AFF3: variants seen among roughly 807,000 people sequenced by gnomAD.
AFF3 encodes the protein AF4/FMR2 family member 3.
In AFF3, 32 loss-of-function variants were observed where a neutral mutation model predicts 129.7. The ratio of observed to expected loss-of-function variants is 0.25; its 90% confidence interval spans 0.19 to 0.33. The LOEUF is 0.33. Among genes scored for constraint, AFF3 ranks in the 10% least tolerant of loss-of-function variants. The pLI, the probability that AFF3 is intolerant of heterozygous loss-of-function variation, is 1.00. For synonymous variants in AFF3, 644 were observed against 635.4 expected (o/e 1.01, Z -0.20); for missense variants, 1,373 against 1,592.0 (o/e 0.86, Z 2.34).
intron 20 of AFF3, among the ~76,000 whole-genome samples, chr2:99,563,323 T>C (rs1275414412): frequency 1.3e-5 from 2 of 151,588 alleles, no homozygotes; most frequent in Non-Finnish European, 2.9e-5. Context: ...CCTGAGTAGC[T>C]AGGACTACAG....
intron 2 of AFF3, chr2:100,106,539 A>G: frequency 1.0e-6 from 1 of 997,090 alleles, no homozygotes; most frequent in Non-Finnish European, 1.2e-6. Flanking sequence ...TTGAGACAGC[A>G]TTCCCAGGAA....
chr2:100,015,850 G>A (rs1038632536), intron 4 of AFF3, among the ~76,000 whole-genome samples: 1 of 149,614 alleles, frequency 6.7e-6, no homozygotes, highest in Non-Finnish European at 1.5e-5. Flanking sequence ...CTATAGGTGC[G>A]ATGGTGGTGA....
chr2:99,645,917 C>G (rs1027923842), intron 13 of AFF3, among the ~76,000 whole-genome samples: 1 of 152,132 alleles, frequency 6.6e-6, no homozygotes, highest in African/African-American at 2.4e-5. Context: ...CCAAAGACAT[C>G]TGGACATTCT....
chr2:99,831,357 A>G (rs543760884), intron 8 of AFF3, among the ~76,000 whole-genome samples: 36 of 152,380 alleles, frequency 2.4e-4, no homozygotes, highest in African/African-American at 7.7e-4. Context: ...GATATTAAGT[A>G]TGGGAACAAG....
At position 99,593,812 on chromosome 2, in the gene AFF3, T is replaced by G; in HGVS notation, c.1849A>C (p.Ser617Arg). The change falls in exon 15 of 25, where the codon AGC becomes CGC. Residue 617 changes from serine (S) to arginine (R), a missense_variant. Physicochemically the swap from Ser to Arg is moderately radical, Grantham distance 110 (BLOSUM62 -1). Around this residue, in one of 9 missense-constraint regions of AFF3, gnomAD observed 466 missense variants for 505.0 expected, o/e 0.92. Transcript: ENST00000672756. ...GTGGGCTCCGGGGGGACCACCACGC[T>G]CGTCCCCAGCGCGTCCGCGGCCGCG... is the stretch of plus-strand genomic sequence containing the variant. ...EPAAADALGT[S>R]VVVPPEPTKT... The G allele has an allele frequency of 3.1e-6, 5 of 1,610,278 alleles. No homozygotes were observed. The highest frequency in any genetic ancestry group is 4.2e-6 in the Non-Finnish European group (5 of 1,179,156).
chr2:99,954,492 A>G (rs987383477), intron 7 of AFF3, among the ~76,000 whole-genome samples: 2 of 152,132 alleles, frequency 1.3e-5, no homozygotes, highest in Non-Finnish European at 2.9e-5. Flanking sequence ...ACTATTCACA[A>G]TAGCAAAGAC....
chr2:99,800,334 A>G (rs927783333), intron 8 of AFF3, among the ~76,000 whole-genome samples: 2 of 152,166 alleles, frequency 1.3e-5, no homozygotes, highest in Admixed American at 6.5e-5. Flanking sequence ...AATACAACCA[A>G]TCATGAAGGC....
chr2:100,085,199 G>C (rs1417292296), intron 4 of AFF3, among the ~76,000 whole-genome samples: 1 of 139,066 alleles, frequency 7.2e-6, no homozygotes, highest in Non-Finnish European at 1.6e-5. Flanking sequence ...AAAAAAAAAA[G>C]TCAAATTGAC....
intron 5 of AFF3, chr2:100,007,731 T>C (rs951141795): frequency 2.2e-6 from 1 of 450,748 alleles, no homozygotes; most frequent in African/African-American, 2.0e-5. Context: ...TCCCAGCACT[T>C]TGGGAGGCCG....
chr2:100,136,168 G>T (rs1156500231), intron 1 of AFF3, among the ~76,000 whole-genome samples: 1 of 152,216 alleles, frequency 6.6e-6, no homozygotes, highest in Non-Finnish European at 1.5e-5. Flanking sequence ...CGAGAGCTGG[G>T]TCTGTAGTTG....
At chr2:99,942,821 A>G (rs911350697) in intron 7 of AFF3, among the ~76,000 whole-genome samples, 1 of 151,706 alleles carries the variant, frequency 6.6e-6, no homozygotes. Flanking sequence ...CCTGAACCCC[A>G]CCCTCTCCAC....
chr2:99,858,998 A>G (rs974693772), intron 7 of AFF3, among the ~76,000 whole-genome samples: 4 of 152,236 alleles, frequency 2.6e-5, no homozygotes, highest in Non-Finnish European at 5.9e-5. Flanking sequence ...CTTTATAAAC[A>G]TGGAACTTTA....
At chr2:99,899,100 C>T (rs971678475) in intron 7 of AFF3, among the ~76,000 whole-genome samples, 1 of 152,218 alleles carries the variant, frequency 6.6e-6, no homozygotes, top group African/African-American at 2.4e-5. Context: ...GTGGATTTGA[C>T]ATGTCTGGAT....
intron 11 of AFF3, among the ~76,000 whole-genome samples, chr2:99,681,933 G>A (rs561834758): frequency 2.1e-5 from 3 of 140,492 alleles, no homozygotes; most frequent in East Asian, 4.3e-4. Context: ...TTGAGACGGA[G>A]TCTCGTTCTG....
intron 1 of AFF3, among the ~76,000 whole-genome samples, chr2:100,142,275 ATCCCATC>A (rs1378692131): frequency 1.3e-5 from 2 of 151,874 alleles, no homozygotes; most frequent in African/African-American, 4.8e-5. Context: ...CTTTGGTCAC[ATCCCATC>A]TCTTCCTTCT....
chr2:99,852,135 T>C (rs969992844), intron 7 of AFF3, among the ~76,000 whole-genome samples: 5 of 152,098 alleles, frequency 3.3e-5, no homozygotes, highest in Non-Finnish European at 7.4e-5. Flanking sequence ...AGAATCTTAA[T>C]AGAGAGATTG....
chr2:100,029,225 T>G (rs931870727), intron 4 of AFF3, among the ~76,000 whole-genome samples: 1 of 152,180 alleles, frequency 6.6e-6, no homozygotes, highest in African/African-American at 2.4e-5. Context: ...AAGTTAAAAT[T>G]GGGTCATTAG....
chr2:100,095,968 C>G (rs867987373), intron 4 of AFF3, among the ~76,000 whole-genome samples: 7 of 152,186 alleles, frequency 4.6e-5, no homozygotes, highest in Non-Finnish European at 8.8e-5. Context: ...ATGGGTTCCA[C>G]GTAGAGTCTT....
rs938609232 is a variant in AFF3, at chr2:99,548,864, A to T, written c.*2610T>A. 11 of 232,850 alleles carry T rather than the reference A, an allele frequency of 4.7e-5. No homozygotes were observed. Among genetic ancestry groups the T allele is most frequent in the Middle Eastern group, 1.2e-3 (1 of 806 alleles). The allele number at this position is 232,850 out of a possible 1,614,324, so 14.4% of individuals were successfully genotyped here. ...TACTAACCAAAATCACCCATGCCAA[A>T]CCCCACAGAAACTGCTGTACCAACG... On this transcript the variant is annotated 3_prime_UTR_variant, in exon 25 of 25. Transcript: ENST00000672756.
Sources: gnomAD v4.1 joint callset for allele counts (sites outside exome capture counted in the v4.1 genomes callset) on GRCh38, gnomAD v4.1.1 for gene constraint, gnomAD v4.1.1 regional missense constraint, MANE v1.5 for transcripts, NCBI Gene and HGNC (gene_info 2026-07-23, HGNC 2026-07-21) for gene names.